The following DPP10 variants were observed in gnomAD, a reference collection of about 807,000 sequenced individuals.
The protein encoded by DPP10 is dipeptidyl peptidase like 10.
DPP10 carries 33 observed loss-of-function variants against 120.9 expected under a neutral mutation model. The ratio of observed to expected loss-of-function variants is 0.27; its 90% CI spans 0.21 to 0.37. The LOEUF is 0.37. DPP10 is among the 10% of genes least tolerant of loss of function. DPP10 has a pLI of 1.00. For synonymous variants in DPP10, 337 were observed against 326.1 expected (o/e 1.03, Z -0.36); for missense variants, 816 against 942.8 (o/e 0.87, Z 1.76).
chr2:115,554,599 A>T (rs189204553), intron 5 of DPP10, among the ~76,000 whole-genome samples: 1 of 152,168 alleles, frequency 6.6e-6, no homozygotes. Context: ...AGATTTACAT[A>T]ATCTCATACC....
intron 5 of DPP10, among the ~76,000 whole-genome samples, chr2:115,651,621 T>C (rs1167844322): frequency 6.6e-6 from 1 of 152,024 alleles, no homozygotes; most frequent in African/African-American, 2.4e-5. Context: ...GGATGATCCA[T>C]GGAGTAATAT....
At chr2:114,465,998 C>T (rs929725876) in intron 1 of DPP10, among the ~76,000 whole-genome samples, 1 of 152,162 alleles carries the variant, frequency 6.6e-6, no homozygotes. Flanking sequence ...CTTCCCCCCA[C>T]CCCTACCTGC....
At chr2:115,177,220 ATATT>A (rs1175256317) in intron 1 of DPP10, among the ~76,000 whole-genome samples, 1 of 152,206 alleles carries the variant, frequency 6.6e-6, no homozygotes, top group Non-Finnish European at 1.5e-5. Flanking sequence ...ATATGTGTAT[ATATT>A]AATGTAAACT....
chr2:115,467,563 C>T (rs576931825), intron 3 of DPP10, among the ~76,000 whole-genome samples: 9 of 150,656 alleles, frequency 6.0e-5, no homozygotes, highest in South Asian at 4.2e-4. Flanking sequence ...GGTGCCAAAA[C>T]GAGACTCTGA....
intron 1 of DPP10, among the ~76,000 whole-genome samples, chr2:114,765,461 C>T (rs190918028): frequency 1.3e-5 from 2 of 152,252 alleles, no homozygotes; most frequent in East Asian, 3.9e-4. Flanking sequence ...CAAAGAGGCA[C>T]TACTAGGGCA....
chr2:115,793,819 C>A (rs546540715), intron 19 of DPP10, among the ~76,000 whole-genome samples: 1 of 151,838 alleles, frequency 6.6e-6, no homozygotes, highest in Admixed American at 6.6e-5. Context: ...TTATCGAAAG[C>A]GTCACAGAAT....
chr2:115,703,382 A>T (rs1298660717), intron 7 of DPP10, among the ~76,000 whole-genome samples: 1 of 152,028 alleles, frequency 6.6e-6, no homozygotes, highest in African/African-American at 2.4e-5. Context: ...CAAAACCAAT[A>T]GGATATATAT....
intron 1 of DPP10, among the ~76,000 whole-genome samples, chr2:115,226,915 C>A (rs2057461998): frequency 6.6e-6 from 1 of 152,026 alleles, no homozygotes; most frequent in Admixed American, 6.6e-5. Flanking sequence ...GCATTCATTT[C>A]GGAAGAACTA....
At chr2:115,532,856 A>T (rs952710805) in intron 5 of DPP10, among the ~76,000 whole-genome samples, 5 of 151,938 alleles carry the variant, frequency 3.3e-5, no homozygotes, top group African/African-American at 1.2e-4. Context: ...GTATATAAAT[A>T]GTTTTAATTT....
At chr2:115,791,497 C>T in intron 19 of DPP10, 141 bp downstream of exon 19, 1 of 728,818 alleles carries the variant, frequency 1.4e-6, no homozygotes, top group South Asian at 2.3e-5. Flanking sequence ...GTCTAAATTC[C>T]TCTAGAAGTC....
intron 1 of DPP10, among the ~76,000 whole-genome samples, chr2:114,558,554 T>C (rs939894936): frequency 2.0e-5 from 3 of 152,238 alleles, no homozygotes; most frequent in African/African-American, 7.2e-5. Flanking sequence ...ATGACACTTA[T>C]CTCAACTTTG....
At chr2:114,861,059 A>T (rs920811350) in intron 1 of DPP10, among the ~76,000 whole-genome samples, 1 of 152,188 alleles carries the variant, frequency 6.6e-6, no homozygotes, top group Non-Finnish European at 1.5e-5. Context: ...ACTTTACAAC[A>T]TAAACCCTCT....
intron 1 of DPP10, among the ~76,000 whole-genome samples, chr2:115,194,192 T>C (rs1358135668): frequency 1.3e-5 from 2 of 152,156 alleles, no homozygotes; most frequent in African/African-American, 2.4e-5. Context: ...TTGAATGCAT[T>C]TGGGCCATCT....
At chr2:114,461,757 G>T in intron 1 of DPP10, 1 of 985,402 alleles carries the variant, frequency 1.0e-6, no homozygotes, top group Non-Finnish European at 1.2e-6. Flanking sequence ...CTGGGGCTCA[G>T]TGCTGCCATC....
intron 3 of DPP10, among the ~76,000 whole-genome samples, chr2:115,481,758 G>A (rs2075443067): frequency 1.3e-5 from 2 of 151,800 alleles, no homozygotes; most frequent in South Asian, 2.1e-4. Flanking sequence ...CATCTATCTT[G>A]TACTATGTAT....
At chr2:115,372,403 G>A (rs1255509130) in intron 3 of DPP10, among the ~76,000 whole-genome samples, 1 of 79,456 alleles carries the variant, frequency 1.3e-5, no homozygotes, top group Non-Finnish European at 3.1e-5. Flanking sequence ...ACCCTTTAGA[G>A]GTAAAAAAAG....
chr2:114,794,084 A>G (rs1342183400), intron 1 of DPP10, among the ~76,000 whole-genome samples: 1 of 152,228 alleles, frequency 6.6e-6, no homozygotes. Context: ...TTTTTACCTG[A>G]TAGCCACAAC....
At chr2:115,343,493 A>C (rs1257874183) in intron 2 of DPP10, among the ~76,000 whole-genome samples, 1 of 152,158 alleles carries the variant, frequency 6.6e-6, no homozygotes, top group African/African-American at 2.4e-5. Flanking sequence ...GCTGAATTAT[A>C]GTTAAATGGT....
chr2:115,389,811 A>G (rs2001800), intron 3 of DPP10, among the ~76,000 whole-genome samples: 31,496 of 126,722 alleles, frequency 0.25, 3,606 homozygotes, highest in Admixed American at 0.4. Flanking sequence ...CTTTGTGATT[A>G]CTTATTTGGT....
Sources: allele counts gnomAD v4.1 joint callset (sites outside exome capture counted in the v4.1 genomes callset), GRCh38; gene constraint gnomAD v4.1.1; transcripts MANE v1.5; gene names NCBI Gene and HGNC (gene_info 2026-07-23, HGNC 2026-07-21).